Variants in CNTN5 observed in about 807,000 individuals in gnomAD.
CNTN5 encodes the protein contactin-5.
CNTN5 carries 77 observed loss-of-function variants against 129.1 expected under a neutral mutation model. The ratio of observed to expected loss-of-function variants is 0.60; its 90% confidence interval spans 0.50 to 0.72. CNTN5 has a LOEUF of 0.72. Ranked by LOEUF, CNTN5 falls within the 30% of genes least tolerant of loss-of-function variation. The pLI, the probability that CNTN5 is intolerant of heterozygous loss-of-function variation, is 0.00. For synonymous variants in CNTN5, 509 were observed against 465.6 expected (o/e 1.09, Z -1.20); for missense variants, 1,478 against 1,328.8 (o/e 1.11, Z -1.75).
At chr11:99,599,667 A>G (rs915376794) in intron 3 of CNTN5, among the ~76,000 whole-genome samples, 1 of 152,112 alleles carries the variant, frequency 6.6e-6, no homozygotes, top group Non-Finnish European at 1.5e-5. Flanking sequence ...TCACATCCAG[A>G]CCAAATTCTT....
chr11:99,621,833 A>T (rs938575875), intron 3 of CNTN5, among the ~76,000 whole-genome samples: 1 of 152,186 alleles, frequency 6.6e-6, no homozygotes, highest in Non-Finnish European at 1.5e-5. Context: ...GTCTAATTGA[A>T]AAGTTAGAAC....
chr11:99,481,103 A>T (rs1038045497), intron 2 of CNTN5, among the ~76,000 whole-genome samples: 32 of 149,382 alleles, frequency 2.1e-4, no homozygotes, highest in African/African-American at 7.4e-4. Flanking sequence ...ATTGGCATTT[A>T]AAAAAAAAAG....
chr11:99,109,401 T>C (rs1565324226), intron 1 of CNTN5, among the ~76,000 whole-genome samples: 1 of 152,076 alleles, frequency 6.6e-6, no homozygotes, highest in Non-Finnish European at 1.5e-5. Context: ...GTGCTTACAG[T>C]ATATTTGTTA....
intron 3 of CNTN5, among the ~76,000 whole-genome samples, chr11:99,657,208 C>T (rs17134141): frequency 3.9e-5 from 6 of 151,976 alleles, no homozygotes; most frequent in African/African-American, 1.4e-4. Context: ...CTACTTAGCA[C>T]CTTACTGGAG....
At chr11:99,957,581 A>G (rs946431241) in intron 8 of CNTN5, among the ~76,000 whole-genome samples, 3 of 152,230 alleles carry the variant, frequency 2.0e-5, no homozygotes, top group Admixed American at 1.3e-4. Flanking sequence ...ATTTGTATTT[A>G]TAGACATGTA....
intron 3 of CNTN5, among the ~76,000 whole-genome samples, chr11:99,710,064 T>G (rs1954909403): frequency 6.6e-6 from 1 of 151,868 alleles, no homozygotes; most frequent in African/African-American, 2.4e-5. Context: ...TTAGTATTTT[T>G]TTGTTCTAAA....
intron 6 of CNTN5, among the ~76,000 whole-genome samples, chr11:99,896,596 G>A (rs930264327): frequency 2.6e-4 from 40 of 152,104 alleles, no homozygotes; most frequent in Admixed American, 2.6e-3. Context: ...ACAATCATGG[G>A]TTATTCCTCT....
intron 7 of CNTN5, among the ~76,000 whole-genome samples, chr11:99,936,537 A>T (rs114890217): frequency 2.6e-5 from 4 of 152,114 alleles, no homozygotes; most frequent in Non-Finnish European, 4.4e-5. Flanking sequence ...AGACTATCCT[A>T]TAACAGTGGA....
intron 1 of CNTN5, among the ~76,000 whole-genome samples, chr11:99,255,324 A>G (rs181158178): frequency 6.6e-6 from 1 of 151,980 alleles, no homozygotes; most frequent in Admixed American, 6.6e-5. Context: ...AGTATTTAAC[A>G]TATAGTTACT....
intron 3 of CNTN5, among the ~76,000 whole-genome samples, chr11:99,660,771 G>GT (rs1300703338): frequency 6.6e-6 from 1 of 152,064 alleles, no homozygotes; most frequent in Non-Finnish European, 1.5e-5. Context: ...CTCAGTAGTA[G>GT]TTACAGTGGT....
intron 3 of CNTN5, among the ~76,000 whole-genome samples, chr11:99,741,937 G>A (rs1052925690): frequency 2.0e-5 from 3 of 152,032 alleles, no homozygotes; most frequent in Non-Finnish European, 2.9e-5. Context: ...CCTCCATTAA[G>A]GGTGCAACAT....
intron 2 of CNTN5, among the ~76,000 whole-genome samples, chr11:99,481,622 C>A (rs763457492): frequency 1.3e-5 from 2 of 152,112 alleles, no homozygotes; most frequent in Non-Finnish European, 2.9e-5. Flanking sequence ...TTCATTATCA[C>A]GGAATAAAAG....
intron 1 of CNTN5, among the ~76,000 whole-genome samples, chr11:99,229,718 T>C (rs965058973): frequency 3.3e-5 from 5 of 152,170 alleles, no homozygotes; most frequent in African/African-American, 1.2e-4. Context: ...GAATTCATGT[T>C]TCTAAAATAG....
intron 13 of CNTN5, among the ~76,000 whole-genome samples, chr11:100,156,833 C>T (rs993597078): frequency 2.0e-5 from 3 of 151,752 alleles, no homozygotes; most frequent in African/African-American, 7.3e-5. Flanking sequence ...CTGTGGGATC[C>T]GTGGTGATAT....
intron 3 of CNTN5, among the ~76,000 whole-genome samples, chr11:99,658,871 G>A (rs1260203174): frequency 1.5e-5 from 2 of 136,970 alleles, no homozygotes; most frequent in East Asian, 4.1e-4. Flanking sequence ...CTGGGCAACA[G>A]GAGTGAAACT....
chr11:99,865,141 G>C (rs1486817196), intron 6 of CNTN5, among the ~76,000 whole-genome samples: 1 of 152,108 alleles, frequency 6.6e-6, no homozygotes, highest in Non-Finnish European at 1.5e-5. Flanking sequence ...TGCATCAAAT[G>C]TCAACTTTTC....
intron 2 of CNTN5, among the ~76,000 whole-genome samples, chr11:99,374,180 C>T (rs1363588769): frequency 1.3e-5 from 2 of 152,124 alleles, no homozygotes; most frequent in African/African-American, 2.4e-5. Context: ...GACCAATAGT[C>T]AGAGGTCCAA....
At chr11:99,814,609 C>A (rs2135531854) in intron 3 of CNTN5, among the ~76,000 whole-genome samples, 4 of 151,982 alleles carry the variant, frequency 2.6e-5, no homozygotes, top group African/African-American at 9.7e-5. Context: ...GAGCAGTGTG[C>A]CTGAAGGTGC....
intron 2 of CNTN5, among the ~76,000 whole-genome samples, chr11:99,463,559 ATACTGT>A (rs1335962407): frequency 0.012 from 1,833 of 152,106 alleles, 40 homozygotes; most frequent in African/African-American, 0.042. Flanking sequence ...TATAATGTCT[ATACTGT>A]ATAATGTCTG....
Sources: allele counts gnomAD v4.1 joint callset (sites outside exome capture counted in the v4.1 genomes callset), GRCh38; gene constraint gnomAD v4.1.1; transcripts MANE v1.5; gene names NCBI Gene and HGNC (gene_info 2026-07-23, HGNC 2026-07-21).